The following C8orf34 variants were observed in gnomAD, a reference collection of about 807,000 sequenced individuals.
C8orf34 encodes chromosome 8 open reading frame 34.
C8orf34 carries 65 observed loss-of-function variants against 68.3 expected under a neutral mutation model. The ratio of observed to expected loss-of-function variants is 0.95; its 90% confidence interval spans 0.78 to 1.17. The LOEUF is 1.17. Ranked by LOEUF, C8orf34 falls within the 50% of genes most tolerant of loss-of-function variation. The pLI is 0.00. For missense variants in C8orf34, 664 were observed against 655.4 expected, an observed-to-expected ratio of 1.01 and a Z score of -0.14; for synonymous variants, 244 against 241.2, an observed-to-expected ratio of 1.01 and a Z score of -0.11.
intron 1 of C8orf34, among the ~76,000 whole-genome samples, chr8:68,430,171 TA>T (rs572278878): frequency 7.7e-4 from 117 of 151,946 alleles, no homozygotes; most frequent in Non-Finnish European, 1.3e-3. Flanking sequence ...AAACCTCCAT[TA>T]AAAAATAAAA....
intron 8 of C8orf34, among the ~76,000 whole-genome samples, chr8:68,686,965 C>T (rs998939320): frequency 8.6e-5 from 13 of 151,872 alleles, no homozygotes; most frequent in South Asian, 2.1e-4. Context: ...CAATAGCACT[C>T]GACAACAACC....
At chr8:68,469,127 T>C (rs1000134309) in intron 4 of C8orf34, among the ~76,000 whole-genome samples, 2 of 152,042 alleles carry the variant, frequency 1.3e-5, no homozygotes, top group Non-Finnish European at 2.9e-5. Flanking sequence ...ATTCTTTTCT[T>C]TGGAAACATA....
intron 8 of C8orf34, among the ~76,000 whole-genome samples, chr8:68,701,558 G>A (rs945325618): frequency 1.3e-5 from 2 of 151,768 alleles, no homozygotes; most frequent in Non-Finnish European, 1.5e-5. Context: ...AATTAAGCCA[G>A]TCCATTTCTG....
At chr8:68,768,131 A>T (rs1823233827) in intron 10 of C8orf34, among the ~76,000 whole-genome samples, 1 of 152,230 alleles carries the variant, frequency 6.6e-6, no homozygotes, top group African/African-American at 2.4e-5. Flanking sequence ...CATGACAATT[A>T]TGATCATTGC....
chr8:68,766,742 G>A (rs1823188905), intron 10 of C8orf34, among the ~76,000 whole-genome samples: 1 of 152,140 alleles, frequency 6.6e-6, no homozygotes, highest in South Asian at 2.1e-4. Flanking sequence ...AATTATGCTG[G>A]TAAAACTGTA....
At chr8:68,531,358 T>C (rs1815237567) in intron 6 of C8orf34, among the ~76,000 whole-genome samples, 1 of 152,276 alleles carries the variant, frequency 6.6e-6, no homozygotes, top group East Asian at 1.9e-4. Context: ...CTTTTTAGTC[T>C]TCTATAATCT....
At chr8:68,467,761 A>T (rs1173895231) in intron 3 of C8orf34, among the ~76,000 whole-genome samples, 1 of 151,982 alleles carries the variant, frequency 6.6e-6, no homozygotes, top group South Asian at 2.1e-4. Context: ...CTAGTTGGGT[A>T]TACAGTTCTA....
chr8:68,636,616 T>C (rs1818854411), intron 7 of C8orf34, among the ~76,000 whole-genome samples: 2 of 152,058 alleles, frequency 1.3e-5, no homozygotes, highest in Admixed American at 6.6e-5. Flanking sequence ...TGCATGTATA[T>C]TCAATCTCCC....
intron 11 of C8orf34, among the ~76,000 whole-genome samples, chr8:68,785,261 G>A (rs1052193373): frequency 2.0e-5 from 3 of 151,910 alleles, no homozygotes; most frequent in Non-Finnish European, 4.4e-5. Context: ...TCTGTGTGTA[G>A]CCATCTGTAT....
At chr8:68,708,614 CT>C (rs1170808637) in intron 8 of C8orf34, among the ~76,000 whole-genome samples, 5 of 152,128 alleles carry the variant, frequency 3.3e-5, no homozygotes, top group Admixed American at 1.3e-4. Context: ...TAGGAAAATC[CT>C]TTTATGACTC....
In C8orf34 at chr8:68,496,577, C is replaced by T. The variant is rs572646857; in HGVS notation, c.765+8526C>T. 1.6e-4 allele frequency among the ~76,000 whole-genome samples: 24 copies of T among 152,294 alleles called. 1 individual carries two copies. In the South Asian group the frequency reaches 4.6e-3, roughly 29 times the overall value. On this transcript the variant is annotated intron_variant, in intron 5 of 13. Coordinates refer to ENST00000518698, the MANE Select transcript of C8orf34 (RefSeq NM_052958.4). ...ATTGACATCAGCTGTAGACAGTGTG[C>T]CACGGGCTGTCAGGCCGCTTGACGC...
intron 12 of C8orf34, among the ~76,000 whole-genome samples, chr8:68,811,984 G>T (rs1824665629): frequency 6.6e-6 from 1 of 152,184 alleles, no homozygotes; most frequent in East Asian, 1.9e-4. Flanking sequence ...GGAGGGATGT[G>T]TGTAAAGATA....
chr8:68,347,198 A>T (rs1806319832), intron 1 of C8orf34, among the ~76,000 whole-genome samples: 1 of 151,820 alleles, frequency 6.6e-6, no homozygotes, highest in Admixed American at 6.6e-5. Context: ...CCACTTATAG[A>T]TGAGAACATG....
At chr8:68,466,867 A>T (rs1373200110) in intron 3 of C8orf34, among the ~76,000 whole-genome samples, 1 of 151,164 alleles carries the variant, frequency 6.6e-6, no homozygotes, top group Non-Finnish European at 1.5e-5. Context: ...ATTACTTTTT[A>T]AAAAGGTGAC....
chr8:68,662,017 T>A (rs984801799), intron 8 of C8orf34, among the ~76,000 whole-genome samples: 1 of 152,106 alleles, frequency 6.6e-6, no homozygotes, highest in African/African-American at 2.4e-5. Context: ...GTTAATTATA[T>A]GCAAATACCT....
At chr8:68,621,130 A>T (rs1158513460) in intron 7 of C8orf34, among the ~76,000 whole-genome samples, 1 of 152,184 alleles carries the variant, frequency 6.6e-6, no homozygotes, top group Non-Finnish European at 1.5e-5. Flanking sequence ...GAAGTACAAG[A>T]TGTGTACTCC....
intron 1 of C8orf34, among the ~76,000 whole-genome samples, chr8:68,359,333 T>C (rs1258292873): frequency 6.6e-6 from 1 of 152,190 alleles, no homozygotes; most frequent in African/African-American, 2.4e-5. Context: ...TGCTGCACTG[T>C]TGCTTTTAGT....
chr8:68,416,486 A>G (rs1411958627), intron 1 of C8orf34, among the ~76,000 whole-genome samples: 1 of 151,504 alleles, frequency 6.6e-6, no homozygotes, highest in Non-Finnish European at 1.5e-5. Flanking sequence ...AAACATATGA[A>G]TTAGTATTTT....
At chr8:68,687,575 A>G (rs117452507) in intron 8 of C8orf34, among the ~76,000 whole-genome samples, 6,143 of 152,120 alleles carry the variant, frequency 0.04, 185 homozygotes, top group Non-Finnish European at 0.06. Flanking sequence ...GAAGAATGAA[A>G]CTTGATCCCC....
Sources: allele counts gnomAD v4.1 joint callset (sites outside exome capture counted in the v4.1 genomes callset), GRCh38; gene constraint gnomAD v4.1.1; transcripts MANE v1.5; gene names NCBI Gene and HGNC (gene_info 2026-07-23, HGNC 2026-07-21).